The following PPP1R9A variants were observed in gnomAD, a reference collection of about 807,000 sequenced individuals.
The protein encoded by PPP1R9A is neurabin-1.
PPP1R9A carries 59 observed loss-of-function variants against 141.9 expected under a neutral mutation model. The observed-to-expected ratio is 0.42, with a 90% CI of 0.34 to 0.52. The LOEUF is 0.52. Ranked by LOEUF, PPP1R9A falls within the 20% of genes least tolerant of loss-of-function variation. The pLI is 0.10. For missense variants in PPP1R9A, 1,444 were observed against 1,611.9 expected (o/e 0.90, Z 1.78); for synonymous variants, 500 against 569.7 (o/e 0.88, Z 1.74).
Position 95,013,535 on chromosome 7 carries a change from A to G in PPP1R9A, c.1396-97724A>G, listed in dbSNP as rs372818031. 2.6e-5 allele frequency among the ~76,000 whole-genome samples: 4 copies of G among 152,266 alleles called. No individual in the cohort carries two copies. In the East Asian group the frequency reaches 7.7e-4, roughly 29 times the overall value. ...ACCAGAGTAAGATGATATACAAGTA[A>G]TAGATACTTTTCTGCAAATTTCACC... On this transcript the variant is annotated intron_variant, in intron 2 of 19. Coordinates refer to ENST00000433360, the MANE Select transcript of PPP1R9A (RefSeq NM_001166160.2).
intron 2 of PPP1R9A, among the ~76,000 whole-genome samples, chr7:95,019,576 T>A (rs896926247): frequency 4.6e-5 from 7 of 152,256 alleles, no homozygotes; most frequent in African/African-American, 1.7e-4. Context: ...AATCCAATTT[T>A]AAAATAGTGG....
chr7:95,226,515 A>G (rs1795164397), intron 8 of PPP1R9A, among the ~76,000 whole-genome samples: 1 of 152,196 alleles, frequency 6.6e-6, no homozygotes, highest in Non-Finnish European at 1.5e-5. Context: ...CAGATGGCAT[A>G]CCCAAAGGGT....
chr7:95,166,937 G>A (rs1831355199), intron 5 of PPP1R9A, among the ~76,000 whole-genome samples: 1 of 152,114 alleles, frequency 6.6e-6, no homozygotes, highest in Admixed American at 6.6e-5. Context: ...AGTAGATGCA[G>A]AAAAAACATT....
At chr7:94,941,303 ATGTG>A (rs1234168745) in intron 2 of PPP1R9A, among the ~76,000 whole-genome samples, 1 of 152,092 alleles carries the variant, frequency 6.6e-6, no homozygotes, top group East Asian at 1.9e-4. Context: ...TGATGAGAGT[ATGTG>A]TAAGTGGTAA....
intron 2 of PPP1R9A, among the ~76,000 whole-genome samples, chr7:94,994,640 A>G (rs576868209): frequency 2.0e-5 from 3 of 152,290 alleles, no homozygotes; most frequent in East Asian, 3.9e-4. Context: ...TCATGCCTGT[A>G]ATTCCAGCAC....
At chr7:95,222,950 A>C (rs558342380) in intron 7 of PPP1R9A, among the ~76,000 whole-genome samples, 2 of 152,030 alleles carry the variant, frequency 1.3e-5, no homozygotes, top group Non-Finnish European at 2.9e-5. Context: ...ACTAAGTGTA[A>C]CTTTTTTATT....
At chr7:94,951,204 A>T (rs937550547) in intron 2 of PPP1R9A, among the ~76,000 whole-genome samples, 5 of 152,014 alleles carry the variant, frequency 3.3e-5, no homozygotes, top group Non-Finnish European at 7.4e-5. Context: ...TTAGAAAAGA[A>T]AAAAAAATGC....
intron 14 of PPP1R9A, among the ~76,000 whole-genome samples, chr7:95,272,941 A>G (rs1226890829): frequency 6.6e-6 from 1 of 152,226 alleles, no homozygotes; most frequent in East Asian, 1.9e-4. Flanking sequence ...CATCAAATTT[A>G]AAACAGCATT....
At chr7:95,102,460 G>A (rs1818914480) in intron 2 of PPP1R9A, among the ~76,000 whole-genome samples, 1 of 152,294 alleles carries the variant, frequency 6.6e-6, no homozygotes, top group Non-Finnish European at 1.5e-5. Flanking sequence ...AGCAGCCTCA[G>A]TATCATAATC....
chr7:94,933,045 T>TAC (rs386410742), intron 2 of PPP1R9A, among the ~76,000 whole-genome samples: 3 of 152,050 alleles, frequency 2.0e-5, no homozygotes, highest in African/African-American at 4.8e-5. Flanking sequence ...CATATATATA[T>TAC]ACACATATTT....
At chr7:95,218,065 G>A (rs2091461) in intron 7 of PPP1R9A, among the ~76,000 whole-genome samples, 37,539 of 151,828 alleles carry the variant, frequency 0.25, 5,715 homozygotes, top group South Asian at 0.43. Flanking sequence ...GTGATGTTAG[G>A]GTGTCAATTT....
At chr7:95,114,702 T>G (rs1821163143) in intron 3 of PPP1R9A, among the ~76,000 whole-genome samples, 1 of 152,054 alleles carries the variant, frequency 6.6e-6, no homozygotes, top group African/African-American at 2.4e-5. Flanking sequence ...TGGGTTAATA[T>G]AATGAACTCT....
intron 2 of PPP1R9A, among the ~76,000 whole-genome samples, chr7:95,108,332 T>TTTTTTC (rs1554509667): frequency 7.9e-5 from 11 of 139,968 alleles, no homozygotes; most frequent in African/African-American, 2.8e-4. Context: ...TTTTTTTTTT[T>TTTTTTC]TGAGACAGTC....
chr7:95,022,848 A>G (rs1295481999), intron 2 of PPP1R9A, among the ~76,000 whole-genome samples: 1 of 152,168 alleles, frequency 6.6e-6, no homozygotes, highest in African/African-American at 2.4e-5. Flanking sequence ...CGTGGTGGAT[A>G]AGCTTTTTGA....
At chr7:94,938,800 C>T (rs1795033510) in intron 2 of PPP1R9A, among the ~76,000 whole-genome samples, 1 of 152,148 alleles carries the variant, frequency 6.6e-6, no homozygotes, top group African/African-American at 2.4e-5. Flanking sequence ...GTTGGTTCTC[C>T]TCTAAGTTCC....
chr7:95,292,195 T>TA lies in PPP1R9A; in HGVS notation c.*1894dup, dbSNP rs1806458586. 6.6e-6 allele frequency: 1 copy of TA among 152,330 alleles called. No homozygotes were observed. Among genetic ancestry groups the TA allele is most frequent in the Non-Finnish European group, 1.5e-5 (1 of 68,040 alleles). 9.4% of individuals were successfully genotyped at this position (152,330 alleles called of 1,614,324 possible). ...GAAACTGCCGTATTGGATACTCTATTAATGTCTTGAGATGTCTGGTGCTTT... is the reference window on the plus strand; with the variant it reads ...GAAACTGCCGTATTGGATACTCTATTAAATGTCTTGAGATGTCTGGTGCTTT... On this transcript the variant is annotated 3_prime_UTR_variant, in exon 20 of 20. Transcript: ENST00000433360.
chr7:95,141,093 A>C (rs959214095), intron 4 of PPP1R9A, among the ~76,000 whole-genome samples: 2 of 152,164 alleles, frequency 1.3e-5, no homozygotes, highest in African/African-American at 4.8e-5. Context: ...CCTATTTTCT[A>C]TGGGTAAAGT....
intron 5 of PPP1R9A, among the ~76,000 whole-genome samples, chr7:95,164,793 T>G (rs1294541197): frequency 6.6e-6 from 1 of 150,866 alleles, no homozygotes; most frequent in African/African-American, 2.4e-5. Context: ...GTTCCATGCT[T>G]TATTCTCTAT....
chr7:95,192,767 T>C (rs985929794), intron 5 of PPP1R9A, among the ~76,000 whole-genome samples: 1 of 152,102 alleles, frequency 6.6e-6, no homozygotes, highest in Admixed American at 6.5e-5. Context: ...ACTCCTAAGT[T>C]GTACTATCAT....
Sources: gnomAD v4.1 joint callset for allele counts (sites outside exome capture counted in the v4.1 genomes callset) on GRCh38, gnomAD v4.1.1 for gene constraint, MANE v1.5 for transcripts, NCBI Gene and HGNC (gene_info 2026-07-23, HGNC 2026-07-21) for gene names.